The following SUCLG2 variants were observed in gnomAD, a reference collection of about 807,000 sequenced individuals.
The protein encoded by SUCLG2 is succinate-CoA ligase GDP-forming subunit beta, also known as succinate--CoA ligase [GDP-forming] subunit beta, mitochondrial.
Under a neutral mutation model 47.9 loss-of-function variants are expected in SUCLG2, and 42 were observed. The observed-to-expected ratio is 0.88, with a 90% CI of 0.69 to 1.14. The LOEUF (loss-of-function observed/expected upper bound fraction) is 1.14. Among genes scored for constraint, SUCLG2 ranks in the 50% most tolerant of loss-of-function variants. SUCLG2 has a pLI of 0.00. For missense variants in SUCLG2, 571 were observed against 525.9 expected (o/e 1.09, Z -0.84); for synonymous variants, 195 against 197.3 (o/e 0.99, Z 0.10).
chr3:67,637,130 A>G (rs967687241), intron 1 of SUCLG2, among the ~76,000 whole-genome samples: 2 of 152,186 alleles, frequency 1.3e-5, no homozygotes, highest in African/African-American at 2.4e-5. Flanking sequence ...ATAAGGACAG[A>G]TTTGTCAACA....
chr3:67,653,688 AC>A (rs1172399121), intron 1 of SUCLG2, among the ~76,000 whole-genome samples: 2 of 152,192 alleles, frequency 1.3e-5, no homozygotes, highest in African/African-American at 4.8e-5. Flanking sequence ...GTCTACGGAG[AC>A]TAACCAGTTC....
At chr3:67,619,113 G>T (rs1053701645) in intron 1 of SUCLG2, among the ~76,000 whole-genome samples, 1 of 152,210 alleles carries the variant, frequency 6.6e-6, no homozygotes, top group Non-Finnish European at 1.5e-5. Context: ...CCAGAAACTG[G>T]ATCACAGCAG....
intron 9 of SUCLG2, among the ~76,000 whole-genome samples, chr3:67,471,762 G>A (rs184234047): frequency 1.3e-5 from 2 of 152,232 alleles, no homozygotes; most frequent in Admixed American, 6.5e-5. Context: ...CAACATGGCT[G>A]GGCTCTGGAT....
At chr3:67,410,224 G>C (rs974750263) in intron 9 of SUCLG2, among the ~76,000 whole-genome samples, 6 of 152,152 alleles carry the variant, frequency 3.9e-5, no homozygotes, top group African/African-American at 1.4e-4. Context: ...TCATTATTTA[G>C]GTCAAAGTTA....
intron 2 of SUCLG2, among the ~76,000 whole-genome samples, chr3:67,591,816 A>T (rs750257910): frequency 2.0e-5 from 3 of 152,198 alleles, no homozygotes; most frequent in African/African-American, 4.8e-5. Context: ...GCCTAAAACT[A>T]AATAATAGAA....
chr3:67,604,931 ATCTT>A, intron 2 of SUCLG2, among the ~76,000 whole-genome samples: 1 of 152,242 alleles, frequency 6.6e-6, no homozygotes, highest in Non-Finnish European at 1.5e-5. Flanking sequence ...TTATTTACAA[ATCTT>A]TCTAATTAAA....
intron 2 of SUCLG2, among the ~76,000 whole-genome samples, chr3:67,561,288 C>T (rs887759478): frequency 1.6e-4 from 25 of 152,108 alleles, no homozygotes; most frequent in African/African-American, 6.0e-4. Context: ...TTAAATACCA[C>T]ATTTATTTAC....
chr3:67,510,541 C>T (rs943684708), intron 6 of SUCLG2, among the ~76,000 whole-genome samples: 16 of 152,208 alleles, frequency 1.1e-4, no homozygotes, highest in African/African-American at 3.9e-4. Context: ...CTATGCCTAA[C>T]ACAGTACGCA....
intron 10 of SUCLG2, among the ~76,000 whole-genome samples, chr3:67,391,396 C>A (rs529387334): frequency 1.3e-5 from 2 of 152,038 alleles, no homozygotes. Context: ...CACTCCTATT[C>A]GCTACATGAT....
intron 2 of SUCLG2, among the ~76,000 whole-genome samples, chr3:67,577,167 A>G (rs960231211): frequency 2.0e-5 from 3 of 152,090 alleles, no homozygotes; most frequent in African/African-American, 7.2e-5. Flanking sequence ...AAAAAATTAG[A>G]CAAGCATGGT....
chr3:67,364,974 C>A (rs761937734), intron 10 of SUCLG2, among the ~76,000 whole-genome samples: 3 of 151,968 alleles, frequency 2.0e-5, no homozygotes, highest in African/African-American at 7.3e-5. Context: ...TAGAAAGAAC[C>A]AAATGGAAAG....
chr3:67,402,838 ACT>A (rs1702718198), intron 9 of SUCLG2, among the ~76,000 whole-genome samples: 1 of 152,174 alleles, frequency 6.6e-6, no homozygotes, highest in Admixed American at 6.5e-5. Flanking sequence ...AGAATCACTG[ACT>A]CTGTTTAACC....
chr3:67,483,180 G>A (rs1704961709), intron 9 of SUCLG2, among the ~76,000 whole-genome samples: 1 of 152,096 alleles, frequency 6.6e-6, no homozygotes, highest in Non-Finnish European at 1.5e-5. Flanking sequence ...TTGCGAGAGA[G>A]TTGCCACCCA....
chr3:67,505,164 T>C (rs1705601768), intron 7 of SUCLG2, among the ~76,000 whole-genome samples: 1 of 152,098 alleles, frequency 6.6e-6, no homozygotes, highest in Admixed American at 6.5e-5. Context: ...ATGGGGCTGC[T>C]GAGGGAGAGT....
chr3:67,380,074 A>G (rs1255249517), intron 10 of SUCLG2, among the ~76,000 whole-genome samples: 2 of 152,094 alleles, frequency 1.3e-5, no homozygotes, highest in Non-Finnish European at 2.9e-5. Context: ...GTGGGCGGGT[A>G]CTTTTTGATA....
intron 9 of SUCLG2, among the ~76,000 whole-genome samples, chr3:67,431,958 A>T (rs1287050457): frequency 6.6e-6 from 1 of 152,214 alleles, no homozygotes; most frequent in Non-Finnish European, 1.5e-5. Flanking sequence ...CTGGTGGCTC[A>T]ATTGGGCACT....
intron 9 of SUCLG2, among the ~76,000 whole-genome samples, chr3:67,485,050 T>A (rs915715003): frequency 1.3e-5 from 2 of 152,180 alleles, no homozygotes; most frequent in African/African-American, 4.8e-5. Context: ...AGGAAGACAT[T>A]GAACAGGAAG....
chr3:67,627,654 A>T (rs1700857524), intron 1 of SUCLG2, among the ~76,000 whole-genome samples: 1 of 152,180 alleles, frequency 6.6e-6, no homozygotes, highest in Non-Finnish European at 1.5e-5. Context: ...CACTATAGGG[A>T]GACTAAAGGG....
intron 2 of SUCLG2, among the ~76,000 whole-genome samples, chr3:67,595,751 G>A (rs1708279544): frequency 6.6e-6 from 1 of 152,170 alleles, no homozygotes; most frequent in South Asian, 2.1e-4. Context: ...AGATAAAGCA[G>A]GATAAACACT....
Sources: allele counts gnomAD v4.1 joint callset (sites outside exome capture counted in the v4.1 genomes callset), GRCh38; gene constraint gnomAD v4.1.1; transcripts MANE v1.5; gene names NCBI Gene and HGNC (gene_info 2026-07-23, HGNC 2026-07-21).